Variants in WDR70 observed in about 807,000 individuals in gnomAD.
WDR70 encodes the protein WD repeat-containing protein 70.
A neutral mutation model predicts 88.6 loss-of-function variants in WDR70; 53 were observed. The ratio of observed to expected loss-of-function variants is 0.60; its 90% CI spans 0.48 to 0.75. The LOEUF is 0.75. Ranked by LOEUF, WDR70 falls within the 30% of genes least tolerant of loss-of-function variation. WDR70 has a pLI of 0.00. For missense variants in WDR70, 610 were observed against 823.2 expected, an observed-to-expected ratio of 0.74 and a Z score of 3.17; for synonymous variants, 280 against 270.0, an observed-to-expected ratio of 1.04 and a Z score of -0.36.
intron 10 of WDR70, among the ~76,000 whole-genome samples, chr5:37,672,858 C>T (rs1350526139): frequency 6.6e-6 from 1 of 152,114 alleles, no homozygotes; most frequent in Non-Finnish European, 1.5e-5. Flanking sequence ...ATGGGAAATA[C>T]CCACAGGTGT....
intron 10 of WDR70, among the ~76,000 whole-genome samples, chr5:37,678,447 C>T (rs1263253908): frequency 1.3e-5 from 2 of 152,250 alleles, no homozygotes; most frequent in East Asian, 3.9e-4. Flanking sequence ...AATCTGTCAG[C>T]ATTTGCTTGT....
chr5:37,565,445 G>A (rs939226077), intron 9 of WDR70, among the ~76,000 whole-genome samples: 1 of 152,048 alleles, frequency 6.6e-6, no homozygotes, highest in Non-Finnish European at 1.5e-5. Context: ...AACTGAGCTG[G>A]TGAAATAGTT....
rs181883179 is a variant in WDR70, at chr5:37,697,694, G to T, written c.1132G>T (p.Gly378Cys). The T allele has an allele frequency of 6.2e-6, 10 of 1,613,720 alleles. No individual in the cohort carries two copies. Among genetic ancestry groups the T allele is most frequent in the Non-Finnish European group, 8.5e-6 (10 of 1,179,778 alleles). ...CCACTATAAACAGGCTCATGACTCG[G>T]GCACAGACACTTCTTGCGTGACTTT... The part of the protein sequence containing the change: ...KFHYKQAHDS[G>C]TDTSCVTFSY... The change falls in exon 11 of 18, where the codon GGC (glycine) becomes TGC (cysteine). Residue 378 changes from glycine to cysteine, a missense_variant. Transcript: ENST00000265107.
intron 9 of WDR70, among the ~76,000 whole-genome samples, chr5:37,527,715 A>G (rs1741333945): frequency 6.6e-6 from 1 of 152,140 alleles, no homozygotes; most frequent in South Asian, 2.1e-4. Context: ...ATGGGAGAAA[A>G]TTTTTGCAAT....
At chr5:37,703,195 C>T (rs574449747) in intron 13 of WDR70, 108 bp downstream of exon 13, 75 of 1,335,022 alleles carry the variant, frequency 5.6e-5, no homozygotes, top group South Asian at 4.4e-4. Flanking sequence ...CCTTAGAGCA[C>T]GGTGATAGCT....
chr5:37,644,363 G>T (rs1745180273), intron 10 of WDR70, among the ~76,000 whole-genome samples: 1 of 151,746 alleles, frequency 6.6e-6, no homozygotes, highest in African/African-American at 2.4e-5. Context: ...TCTTTTTAGT[G>T]TGTTGTTGAA....
Position 37,396,376 on chromosome 5 carries a change from G to GAT in WDR70, c.300_301dup (p.Thr101IlefsTer18), listed in dbSNP as rs1163702149. 1 of 1,604,230 alleles carries GAT rather than the reference G, an allele frequency of 6.2e-7. No homozygotes were observed. Among genetic ancestry groups the GAT allele is most frequent in the Non-Finnish European group, 8.5e-7 (1 of 1,175,332 alleles). ...GAGTTTCTGTTTCTGTATTTTCAGG[G>GAT]ATACGAGCAGCAGTGAAAGTGAACA... is the stretch of plus-strand genomic sequence containing the variant. On this transcript the variant is annotated frameshift_variant and splice_region_variant, in exon 5 of 18. Transcript: ENST00000265107. LOFTEE classifies it high-confidence loss of function.
At chr5:37,692,646 T>C (rs77641760) in intron 10 of WDR70, among the ~76,000 whole-genome samples, 2 of 151,848 alleles carry the variant, frequency 1.3e-5, no homozygotes, top group African/African-American at 4.8e-5. Context: ...GCAGAAAAGG[T>C]CTTCAACAAA....
intron 9 of WDR70, among the ~76,000 whole-genome samples, chr5:37,557,957 A>ACTCTTTTGAAAACTCTTCAAAAGAGAAC: frequency 1.4e-5 from 2 of 139,250 alleles, no homozygotes; most frequent in Admixed American, 7.1e-5. Context: ...TCAAAAGAGT[A>ACTCTTTTGAAAACTCTTCAAAAGAGAAC]TTATGTATAT....
At chr5:37,687,696 G>A (rs1018340198) in intron 10 of WDR70, among the ~76,000 whole-genome samples, 3 of 151,370 alleles carry the variant, frequency 2.0e-5, no homozygotes, top group African/African-American at 4.9e-5. Context: ...TTCTCATTCC[G>A]TTCATTATAT....
At chr5:37,618,968 A>G (rs1325610595) in intron 10 of WDR70, among the ~76,000 whole-genome samples, 1 of 152,218 alleles carries the variant, frequency 6.6e-6, no homozygotes, top group African/African-American at 2.4e-5. Context: ...AGCCAGAGCT[A>G]ACAAATGGAT....
intron 9 of WDR70, among the ~76,000 whole-genome samples, chr5:37,569,082 G>C (rs562143003): frequency 7.2e-5 from 11 of 152,284 alleles, no homozygotes; most frequent in African/African-American, 2.6e-4. Context: ...AATCTGTCAG[G>C]CTATTTCAGA....
intron 9 of WDR70, among the ~76,000 whole-genome samples, chr5:37,526,252 G>A (rs139020677): frequency 4.6e-4 from 70 of 152,194 alleles, no homozygotes; most frequent in Non-Finnish European, 9.0e-4. Flanking sequence ...CTGACAAACC[G>A]AATCCAGCAG....
intron 17 of WDR70, among the ~76,000 whole-genome samples, chr5:37,752,049 A>G (rs1393539682): frequency 1.3e-5 from 2 of 152,218 alleles, no homozygotes; most frequent in African/African-American, 2.4e-5. Flanking sequence ...ATAAACACAT[A>G]TTTACACTAC....
chr5:37,713,756 A>G (rs1250356805), intron 13 of WDR70, among the ~76,000 whole-genome samples: 1 of 152,230 alleles, frequency 6.6e-6, no homozygotes, highest in African/African-American at 2.4e-5. Context: ...TAATACAGTA[A>G]TGACTAGAGC....
intron 17 of WDR70, among the ~76,000 whole-genome samples, chr5:37,739,174 G>C (rs964270136): frequency 3.3e-5 from 5 of 152,160 alleles, no homozygotes; most frequent in Admixed American, 3.3e-4. Context: ...AGAAACATGG[G>C]TAAGTGTGGG....
chr5:37,651,657 G>A (rs1745412119), intron 10 of WDR70, among the ~76,000 whole-genome samples: 3 of 152,278 alleles, frequency 2.0e-5, no homozygotes, highest in Admixed American at 6.5e-5. Context: ...ATTCTGACTG[G>A]CATGAGATGG....
intron 10 of WDR70, among the ~76,000 whole-genome samples, chr5:37,639,159 A>C (rs1358308018): frequency 6.6e-6 from 1 of 152,200 alleles, no homozygotes; most frequent in African/African-American, 2.4e-5. Flanking sequence ...CTAGTTGCTT[A>C]TTTGAGTATT....
At chr5:37,664,595 T>C (rs953899461) in intron 10 of WDR70, among the ~76,000 whole-genome samples, 6 of 152,244 alleles carry the variant, frequency 3.9e-5, no homozygotes, top group Admixed American at 3.9e-4. Flanking sequence ...CATGATAAAG[T>C]TGACCTTTTC....
Sources: gnomAD v4.1 joint callset for allele counts (sites outside exome capture counted in the v4.1 genomes callset) on GRCh38, gnomAD v4.1.1 for gene constraint, MANE v1.5 for transcripts, NCBI Gene and HGNC (gene_info 2026-07-23, HGNC 2026-07-21) for gene names.